The following RYK variants were observed in gnomAD, a reference collection of about 807,000 sequenced individuals.
RYK encodes the protein receptor like tyrosine kinase.
RYK carries 21 observed loss-of-function variants against 70.2 expected under a neutral mutation model. The observed-to-expected ratio is 0.30, with a 90% CI of 0.21 to 0.43. RYK has a LOEUF of 0.43. Ranked by LOEUF, RYK falls within the 20% of genes least tolerant of loss-of-function variation. The pLI is 1.00. For missense variants in RYK, 604 were observed against 753.3 expected (o/e 0.80, Z 2.32); for synonymous variants, 267 against 278.0 (o/e 0.96, Z 0.39).
chr3:134,238,726 T>C (rs891704366), intron 1 of RYK, among the ~76,000 whole-genome samples: 3 of 152,184 alleles, frequency 2.0e-5, no homozygotes, highest in Non-Finnish European at 2.9e-5. Context: ...ACAACTATTA[T>C]ACCTGTACTC....
chr3:134,182,702 C>T (rs1318928917), intron 10 of RYK, among the ~76,000 whole-genome samples: 3 of 152,020 alleles, frequency 2.0e-5, no homozygotes, highest in African/African-American at 7.2e-5. Flanking sequence ...AACCATCATC[C>T]TATTTTTTAA....
intron 1 of RYK, among the ~76,000 whole-genome samples, chr3:134,232,477 A>G (rs1576534241): frequency 6.6e-6 from 1 of 152,370 alleles, no homozygotes; most frequent in East Asian, 1.9e-4. Context: ...CTGACAATTT[A>G]AAGCCCTGTG....
At chr3:134,178,282 T>A (rs1560004620) in intron 10 of RYK, 5 of 418,940 alleles carry the variant, frequency 1.2e-5, no homozygotes, top group Non-Finnish European at 8.3e-6. Flanking sequence ...TATATGCACA[T>A]TCTTGGTAGG....
At chr3:134,169,930 A>G (rs1436174835) in intron 13 of RYK, among the ~76,000 whole-genome samples, 2 of 152,216 alleles carry the variant, frequency 1.3e-5, no homozygotes, top group African/African-American at 4.8e-5. Flanking sequence ...TGGTAACAGA[A>G]TATAATGACT....
At chr3:134,229,380 G>GTAA (rs2014997848) in intron 1 of RYK, among the ~76,000 whole-genome samples, 54 of 129,472 alleles carry the variant, frequency 4.2e-4, no homozygotes, top group East Asian at 3.1e-3. Context: ...CTTTGGGCTG[G>GTAA]AAAAAAAAAA....
chr3:134,181,945 C>A (rs1375718951), intron 10 of RYK, among the ~76,000 whole-genome samples: 1 of 152,088 alleles, frequency 6.6e-6, no homozygotes, highest in South Asian at 2.1e-4. Context: ...GTGGGCAGAT[C>A]ATGAGGTCAG....
chr3:134,175,987 A>G lies in RYK; in HGVS notation c.1358T>C (p.Met453Thr). 3.7e-6 allele frequency: 6 copies of G among 1,609,056 alleles called. No homozygotes were observed. Among genetic ancestry groups the G allele is most frequent in the African/African-American group, 1.3e-5 (1 of 75,022 alleles). ...VHMAIQIACG[M>T]SYLARREVIH... The stretch of plus-strand genomic sequence containing the variant: ...GACTTCCCTTCTGGCCAGGTAGCTC[A>G]TTCCACAGGCAATCTGAATAGCCAT... The change falls in exon 12 of 15, where the codon ATG (methionine) becomes ACG (threonine). Residue 453 changes from methionine (M) to threonine (T), a missense_variant. Met to Thr is a moderately conservative substitution (Grantham distance 81). Around this residue, in one of 2 missense-constraint regions of RYK, gnomAD observed 138 missense variants for 217.4 expected, o/e 0.63. Transcript: ENST00000623711.
In RYK at chr3:134,177,534, A is replaced by G. The variant is rs185021963; in HGVS notation, c.1305+407T>C. 3.5e-4 allele frequency among the ~76,000 whole-genome samples: 54 copies of G among 152,328 alleles called. No homozygotes were observed. The East Asian group carries it at 9.6e-3, about 27-fold the overall frequency. ...ACGCATATTAACAATACATCCAATTATCTCCCACAATCTAGACCTCCAGTC... is the reference window on the plus strand; with the variant it reads ...ACGCATATTAACAATACATCCAATTGTCTCCCACAATCTAGACCTCCAGTC... On this transcript the variant is annotated intron_variant, in intron 11 of 14. Coordinates refer to ENST00000623711, the MANE Select transcript of RYK (RefSeq NM_002958.4).
rs71139519 is a variant in RYK at position 134,221,196 on chromosome 3, CTTTTTTT to C, written c.354+1215_354+1221del. 4.3e-4 allele frequency among the ~76,000 whole-genome samples: 34 copies of C among 78,590 alleles called. No homozygotes were observed. In the East Asian group the frequency reaches 0.01, roughly 24 times the overall value. The allele number at this position is 78,590 out of a possible 152,430, so 51.6% of individuals were successfully genotyped here. On this transcript the variant is annotated intron_variant, in intron 2 of 14. Transcript: ENST00000623711. ...CTACAAAGTCTTAACAGTTCTTTTT[CTTTTTTT>C]TTTTTTTTTTTTTTTTTTTGAGACA...
chr3:134,230,869 C>T (rs4339087), intron 1 of RYK, among the ~76,000 whole-genome samples: 17,018 of 152,112 alleles, frequency 0.11, 1,011 homozygotes, highest in Middle Eastern at 0.16. Flanking sequence ...GGAATTAACA[C>T]TCAATGGTTT....
chr3:134,217,450 C>A (rs372108996), intron 2 of RYK, among the ~76,000 whole-genome samples: 14 of 152,244 alleles, frequency 9.2e-5, no homozygotes, highest in African/African-American at 3.1e-4. Flanking sequence ...TAAGCAAATC[C>A]CTTTCCAAAT....
At chr3:134,176,196 C>T (rs2013093844) in intron 11 of RYK, among the ~76,000 whole-genome samples, 157 bp from the exon 12 acceptor site, 1 of 152,164 alleles carries the variant, frequency 6.6e-6, no homozygotes, top group African/African-American at 2.4e-5. Flanking sequence ...GACTATGTTC[C>T]CATATATCCC....
intron 2 of RYK, among the ~76,000 whole-genome samples, chr3:134,212,800 T>C (rs2014441004): frequency 6.6e-6 from 1 of 152,206 alleles, no homozygotes; most frequent in African/African-American, 2.4e-5. Context: ...AAGGCGTTGT[T>C]ACCCATGAAT....
In RYK at chr3:134,174,927, A is replaced by G. The variant is rs1356471265; in HGVS notation, c.1575+682T>C. 2.0e-5 allele frequency among the ~76,000 whole-genome samples: 3 copies of G among 152,168 alleles called. No homozygotes were observed. The East Asian group carries it at 5.8e-4, about 29-fold the overall frequency. ...AAAACATCTTTATGATCTAGCAACT[A>G]TTTGGTCTGCCTCTTATATAAGAAA... On this transcript the variant is annotated intron_variant, in intron 13 of 14. Coordinates refer to ENST00000623711, the MANE Select transcript of RYK (RefSeq NM_002958.4).
intron 2 of RYK, 33 bp from the exon 3 acceptor site, chr3:134,211,640 C>T (rs2014400107): frequency 6.9e-7 from 1 of 1,441,100 alleles, no homozygotes; most frequent in Non-Finnish European, 9.8e-7. Context: ...CAAAATGGAC[C>T]TGTGATAACA....
intron 1 of RYK, among the ~76,000 whole-genome samples, chr3:134,248,026 A>G (rs2015509634): frequency 2.0e-5 from 3 of 151,624 alleles, no homozygotes; most frequent in African/African-American, 7.3e-5. Context: ...TGCCTTGTAC[A>G]CATCTCAGTA....
At position 134,177,914 on chromosome 3, in the gene RYK, A is replaced by G. The variant is rs778757587; in HGVS notation, c.1305+27T>C. On this transcript the variant is annotated intron_variant, in intron 11 of 14. Transcript: ENST00000623711. ...CATTATCAGAAACTACTGGTAAATA[A>G]TTGGTATTTGGGCAAATTTTTCTCA... 1.3e-5 allele frequency: 21 copies of G among 1,590,438 alleles called. No individual in the cohort carries two copies. The Admixed American group carries it at 3.6e-4, about 27-fold the overall frequency.
At chr3:134,250,195 C>T (rs982062475) in intron 1 of RYK, among the ~76,000 whole-genome samples, 5 of 152,062 alleles carry the variant, frequency 3.3e-5, no homozygotes, top group Admixed American at 2.0e-4. Context: ...TCTATCGCGG[C>T]GGGGCAGCGA....
chr3:134,163,425 C>A (rs142642483), intron 13 of RYK, among the ~76,000 whole-genome samples: 5 of 152,112 alleles, frequency 3.3e-5, no homozygotes, highest in Admixed American at 3.3e-4. Flanking sequence ...CAGAGTTTTA[C>A]GAAAGATTGT....
Sources: gnomAD v4.1 joint callset for allele counts (sites outside exome capture counted in the v4.1 genomes callset) on GRCh38, gnomAD v4.1.1 for gene constraint, gnomAD v4.1.1 regional missense constraint, MANE v1.5 for transcripts, NCBI Gene and HGNC (gene_info 2026-07-23, HGNC 2026-07-21) for gene names.